Variants in FBXL2 observed in about 807,000 individuals in gnomAD.
FBXL2 encodes the protein F-box/LRR-repeat protein 2.
Under a neutral mutation model 69.2 loss-of-function variants are expected in FBXL2, and 38 were observed. The observed-to-expected ratio is 0.55, with a 90% CI of 0.42 to 0.72. FBXL2 has a LOEUF of 0.72. FBXL2 is among the 30% of genes least tolerant of loss of function. The pLI is 0.00. For missense variants in FBXL2, 354 were observed against 520.3 expected (o/e 0.68, Z 3.11); for synonymous variants, 192 against 201.3 (o/e 0.95, Z 0.39).
chr3:33,279,351 A>G (rs985142713), intron 1 of FBXL2, among the ~76,000 whole-genome samples: 2 of 151,974 alleles, frequency 1.3e-5, no homozygotes, highest in African/African-American at 4.8e-5. Flanking sequence ...GCTCACTGCA[A>G]GCTCCGCCTC....
chr3:33,331,472 C>G (rs1406467396), intron 2 of FBXL2, among the ~76,000 whole-genome samples: 1 of 152,058 alleles, frequency 6.6e-6, no homozygotes, highest in African/African-American at 2.4e-5. Flanking sequence ...GCTCCCTCCC[C>G]CTGTTCTTCT....
chr3:33,398,286 C>G (rs2044085988), intron 12 of FBXL2: 1 of 152,094 alleles, frequency 6.6e-6, no homozygotes, highest in Admixed American at 6.5e-5. Flanking sequence ...ATGCAATAGC[C>G]TACTAAATTT....
intron 2 of FBXL2, among the ~76,000 whole-genome samples, chr3:33,352,592 A>G (rs2040899282): frequency 6.6e-6 from 1 of 152,226 alleles, no homozygotes; most frequent in African/African-American, 2.4e-5. Context: ...AAGAACTTTT[A>G]AAACTCAGCA....
intron 1 of FBXL2, among the ~76,000 whole-genome samples, chr3:33,295,604 A>C (rs560178309): frequency 2.6e-5 from 4 of 152,196 alleles, no homozygotes; most frequent in Non-Finnish European, 5.9e-5. Context: ...GTCTTGACTT[A>C]CAAGTGGAGT....
intron 1 of FBXL2, among the ~76,000 whole-genome samples, chr3:33,287,504 CAG>C (rs963293328): frequency 4.6e-5 from 7 of 152,024 alleles, no homozygotes; most frequent in African/African-American, 9.7e-5. Flanking sequence ...TTTCTGGAGA[CAG>C]GGCCTCGTTC....
intron 2 of FBXL2, among the ~76,000 whole-genome samples, chr3:33,311,183 G>A (rs1460073965): frequency 1.3e-5 from 2 of 152,132 alleles, no homozygotes; most frequent in East Asian, 1.9e-4. Context: ...GTGATATGCT[G>A]CTTTCACAAT....
chr3:33,317,399 C>T lies in FBXL2; in HGVS notation c.65+19674C>T, dbSNP rs2037801623. On this transcript the variant is annotated intron_variant, in intron 2 of 14. Coordinates refer to ENST00000484457, the MANE Select transcript of FBXL2 (RefSeq NM_012157.5). ...TCAGGGTCTGTGGGTGATATGCATT[C>T]CTCTCCATCAGATCTGGATGTGGTA... 8.8e-6 allele frequency: 4 copies of T among 453,206 alleles called. No homozygotes were observed. In the Admixed American group the frequency reaches 9.5e-5, roughly 11 times the overall value. 28.1% of individuals were successfully genotyped at this position (453,206 alleles called of 1,614,324 possible).
chr3:33,285,990 C>G (rs2034572381), intron 1 of FBXL2, among the ~76,000 whole-genome samples: 1 of 152,302 alleles, frequency 6.6e-6, no homozygotes, highest in Non-Finnish European at 1.5e-5. Context: ...GAACATCCTC[C>G]TTTAGCTTGG....
intron 2 of FBXL2, among the ~76,000 whole-genome samples, chr3:33,336,045 T>C (rs2039552585): frequency 6.6e-6 from 1 of 152,176 alleles, no homozygotes; most frequent in Non-Finnish European, 1.5e-5. Context: ...TTCGAAACAA[T>C]TTTAATCATA....
intron 5 of FBXL2, among the ~76,000 whole-genome samples, chr3:33,369,191 A>G (rs927285980): frequency 6.6e-6 from 1 of 151,826 alleles, no homozygotes; most frequent in South Asian, 2.1e-4. Flanking sequence ...AGCTGGGACT[A>G]CAGGCATGGG....
intron 12 of FBXL2, chr3:33,396,964 G>A (rs1005059490): frequency 2.9e-5 from 38 of 1,312,936 alleles, no homozygotes; most frequent in Non-Finnish European, 3.6e-5. Context: ...CCAACCTAGC[G>A]TGGAAACACA....
At chr3:33,280,102 G>A (rs965173917) in intron 1 of FBXL2, among the ~76,000 whole-genome samples, 5 of 152,128 alleles carry the variant, frequency 3.3e-5, no homozygotes, top group African/African-American at 9.7e-5. Context: ...TAGATACTAC[G>A]GAACAGGGTA....
intron 2 of FBXL2, among the ~76,000 whole-genome samples, chr3:33,310,556 G>T (rs991378435): frequency 2.6e-5 from 4 of 151,790 alleles, no homozygotes; most frequent in African/African-American, 9.7e-5. Context: ...TATTTTTACC[G>T]GTGAGTTATA....
intron 2 of FBXL2, among the ~76,000 whole-genome samples, chr3:33,355,093 C>A (rs963042517): frequency 8.5e-5 from 13 of 152,110 alleles, no homozygotes; most frequent in African/African-American, 2.9e-4. Flanking sequence ...CCACACCTGG[C>A]TAATTACTGT....
Position 33,277,460 on chromosome 3 carries a change from G to C in FBXL2, c.-53G>C, listed in dbSNP as rs981421214. The stretch of plus-strand genomic sequence containing the variant: ...GGCTGGCGTCACCAGGACAACGGGC[G>C]TCGCCGGCGCCGTGTGACTTCGGGC... On this transcript the variant is annotated 5_prime_UTR_variant, in exon 1 of 15. Coordinates refer to ENST00000484457, the MANE Select transcript of FBXL2 (RefSeq NM_012157.5). 7.9e-7 allele frequency: 1 copy of C among 1,265,944 alleles called. No individual in the cohort carries two copies. Among genetic ancestry groups the C allele is most frequent in the South Asian group, 3.3e-5 (1 of 30,112 alleles). The allele number at this position is 1,265,944 out of a possible 1,614,324, so 78.4% of individuals were successfully genotyped here.
chr3:33,393,110 TTTTCC>T, intron 12 of FBXL2: 1 of 559,808 alleles, frequency 1.8e-6, no homozygotes, highest in Non-Finnish European at 2.9e-6. Flanking sequence ...GCTAAGCCAG[TTTTCC>T]TTGGCTTGTA....
At chr3:33,420,928 G>A in the FBXL2 span, among the ~76,000 whole-genome samples, 23 of 152,110 alleles carry the variant, frequency 1.5e-4, no homozygotes, top group Non-Finnish European at 2.6e-4. Flanking sequence ...TCTTAGCAGC[G>A]TATTCTCCAA....
chr3:33,409,704 C>T, the FBXL2 span: 1 of 1,438,094 alleles, frequency 7.0e-7, no homozygotes, highest in East Asian at 2.3e-5. Context: ...AATTCAAGAT[C>T]CTTTAAAATA....
At chr3:33,295,828 C>G (rs117203506) in intron 1 of FBXL2, among the ~76,000 whole-genome samples, 1 of 152,270 alleles carries the variant, frequency 6.6e-6, no homozygotes, top group South Asian at 2.1e-4. Context: ...CTTACCCTTA[C>G]GTTGAACATC....
Sources: gnomAD v4.1 joint callset for allele counts (sites outside exome capture counted in the v4.1 genomes callset) on GRCh38, gnomAD v4.1.1 for gene constraint, MANE v1.5 for transcripts, NCBI Gene and HGNC (gene_info 2026-07-23, HGNC 2026-07-21) for gene names.